Variants in SDCBP2 observed in about 807,000 individuals in gnomAD.
The protein encoded by SDCBP2 is syntenin-2.
In SDCBP2, 28 loss-of-function variants were observed where a neutral mutation model predicts 30.7. The observed-to-expected ratio is 0.91, with a 90% CI of 0.68 to 1.25. SDCBP2 has a LOEUF of 1.25. SDCBP2 is among the 50% of genes most tolerant of loss of function. SDCBP2 has a pLI of 0.00. For missense variants in SDCBP2, 399 were observed against 379.0 expected, an observed-to-expected ratio of 1.05 and a Z score of -0.44; for synonymous variants, 166 against 157.3, an observed-to-expected ratio of 1.06 and a Z score of -0.41.
At chr20:1,316,197 A>G (rs1412183005) in intron 4 of SDCBP2, among the ~76,000 whole-genome samples, 3 of 152,250 alleles carry the variant, frequency 2.0e-5, no homozygotes, top group African/African-American at 2.4e-5. Context: ...TAATAAGCAC[A>G]TGGAAAGATG....
At position 1,328,156 on chromosome 20, in the gene SDCBP2, G is replaced by C. The variant is rs2088957449; in HGVS notation, c.-20+929C>G. On this transcript the variant is annotated intron_variant, in intron 1 of 8. Coordinates refer to ENST00000360779, the MANE Select transcript of SDCBP2 (RefSeq NM_080489.5). ...GAGGACATCTGCCAGTGAGAAGCCA[G>C]TTGTGCAGAGAGGGAGTAAGGAGGA... 2.0e-5 allele frequency among the ~76,000 whole-genome samples: 3 copies of C among 152,336 alleles called. No homozygotes were observed. The South Asian group carries it at 6.2e-4, about 32-fold the overall frequency.
In SDCBP2 at chr20:1,310,503, C is replaced by T; in HGVS notation, c.825-8G>A. 1 of 1,613,430 alleles carries T rather than the reference C, an allele frequency of 6.2e-7. No individual in the cohort carries two copies. Among genetic ancestry groups the T allele is most frequent in the African/African-American group, 1.3e-5 (1 of 75,038 alleles). On this transcript the variant is annotated splice_polypyrimidine_tract_variant and splice_region_variant and intron_variant, in intron 8 of 8. Transcript: ENST00000360779. ...AGCAGGACTGGAGGCAACCTGGATA[C>T]AGCAACAACAGTGACCAGGTTGGCA...
chr20:1,316,979 A>G (rs969539633), intron 4 of SDCBP2, among the ~76,000 whole-genome samples: 4 of 152,330 alleles, frequency 2.6e-5, no homozygotes, highest in Middle Eastern at 3.4e-3. Flanking sequence ...GAGTGAAAAA[A>G]GCCAACCTCA....
In SDCBP2 at chr20:1,324,825, T is replaced by C. The variant is rs1392624664; in HGVS notation, c.-20+4260A>G. Among the ~76,000 whole-genome samples the C allele has an allele frequency of 1.3e-5, 2 of 152,236 alleles. No homozygotes were observed. The highest frequency in any genetic ancestry group is 4.8e-5 in the African/African-American group (2 of 41,474). On this transcript the variant is annotated intron_variant, in intron 1 of 8. Transcript: ENST00000360779. This position sits in a 1 kb window ranked among gnomAD's most constrained non-coding sequence, Gnocchi z 4.7. ...AGCCTTTGACTCAAGATGTCAGATA[T>C]AAACTGTTGGCAAAATTCAGCTGAA...
chr20:1,317,169 G>T (rs1379993223), intron 4 of SDCBP2, among the ~76,000 whole-genome samples: 3 of 152,088 alleles, frequency 2.0e-5, no homozygotes, highest in Non-Finnish European at 4.4e-5. Context: ...TGTATGGATT[G>T]CAGTACTGGT....
intron 7 of SDCBP2, among the ~76,000 whole-genome samples, chr20:1,311,900 C>CTTTTTTTTTTTTTT (rs11471529): frequency 1.7e-5 from 2 of 121,110 alleles, no homozygotes; most frequent in African/African-American, 3.4e-5. Context: ...GGTACACTGT[C>CTTTTTTTTTTTTTT]TTTTTTTTTT....
chr20:1,320,290 T>C lies in SDCBP2; in HGVS notation c.54+73A>G. ...TACGGGAATCTCCAAGTGGCCCCAG[T>C]ACCCAGCACCTTCCAGGGTAATCCC... On this transcript the variant is annotated intron_variant, in intron 2 of 8. Transcript: ENST00000360779. The surrounding 1 kb of genome is among the most constrained non-coding windows in gnomAD (Gnocchi z 4.7). 1 of 1,427,826 alleles carries C rather than the reference T, an allele frequency of 7.0e-7. No homozygotes were observed. The highest frequency in any genetic ancestry group is 1.2e-5 in the South Asian group (1 of 80,756). 88.4% of individuals were successfully genotyped at this position (1,427,826 alleles called of 1,614,324 possible).
rs1177591166 is a variant in SDCBP2, at chr20:1,312,391, G to A, written c.678C>T (p.Leu226=). The part of the protein sequence containing the change: ...VKGSSAARNG[L]LTNHYVCEVD... ...CCTCACACACGTAGTGGTTGGTGAGGAGCCCGTTGCGGGCCGCAGAACTCC... is the reference window on the plus strand; with the variant it reads ...CCTCACACACGTAGTGGTTGGTGAGAAGCCCGTTGCGGGCCGCAGAACTCC... Residue 226 remains leucine (L), a synonymous_variant, in exon 7 of 9, where the codon CTC becomes CTT. Transcript: ENST00000360779. 6.2e-7 allele frequency: 1 copy of A among 1,613,496 alleles called. No individual in the cohort carries two copies. The highest frequency in any genetic ancestry group is 1.1e-5 in the South Asian group (1 of 90,954).
At chr20:1,327,840 C>G (rs1254565817) in intron 1 of SDCBP2, among the ~76,000 whole-genome samples, 1 of 152,234 alleles carries the variant, frequency 6.6e-6, no homozygotes, top group African/African-American at 2.4e-5. Flanking sequence ...TCAGCGCTTA[C>G]TTACTCAGCA....
At chr20:1,315,832 C>T (rs376232198) in intron 4 of SDCBP2, among the ~76,000 whole-genome samples, 1 of 152,186 alleles carries the variant, frequency 6.6e-6, no homozygotes, top group South Asian at 2.1e-4. Context: ...ATAAACCACA[C>T]ATCTGACAAA....
intron 3 of SDCBP2, among the ~76,000 whole-genome samples, chr20:1,319,220 A>G (rs2088820342): frequency 6.6e-6 from 1 of 152,104 alleles, no homozygotes; most frequent in Non-Finnish European, 1.5e-5. Flanking sequence ...ATTTGAGGTG[A>G]CTCAAATCGT....
chr20:1,325,952 A>G (rs1027448392), intron 1 of SDCBP2: 1 of 152,092 alleles, frequency 6.6e-6, no homozygotes, highest in African/African-American at 2.4e-5. Flanking sequence ...TCTGCTGCCT[A>G]GGGAAGGGTT....
rs373936132 is a variant in SDCBP2 at position 1,311,463 on chromosome 20, C to T, written c.733-572G>A. 2.2e-3 allele frequency among the ~76,000 whole-genome samples: 328 copies of T among 152,354 alleles called. 3 individuals carry two copies. The highest frequency in any genetic ancestry group is 7.6e-3 in the African/African-American group (317 of 41,584). ...AAGAACAAGAAATTAAAAGTCTCTA[C>T]GCAAAGCGTGCCAGGTGGTCCAAAC... On this transcript the variant is annotated intron_variant, in intron 7 of 8. Coordinates refer to ENST00000360779, the MANE Select transcript of SDCBP2 (RefSeq NM_080489.5).
intron 1 of SDCBP2, among the ~76,000 whole-genome samples, chr20:1,326,080 T>C (rs1352850848): frequency 6.6e-6 from 1 of 152,194 alleles, no homozygotes; most frequent in Non-Finnish European, 1.5e-5. Flanking sequence ...CAGGAAGGTC[T>C]CCTGGAGGAA....
At chr20:1,326,935 G>T (rs1388657789) in intron 1 of SDCBP2, among the ~76,000 whole-genome samples, 1 of 152,230 alleles carries the variant, frequency 6.6e-6, no homozygotes, top group African/African-American at 2.4e-5. Flanking sequence ...TCCCATGCCT[G>T]TCTGTGTTTG....
In SDCBP2 at chr20:1,321,756, A is replaced by G. The variant is rs1159287086; in HGVS notation, c.-19-1321T>C. On this transcript the variant is annotated intron_variant, in intron 1 of 8. Coordinates refer to ENST00000360779, the MANE Select transcript of SDCBP2 (RefSeq NM_080489.5). This position sits in a 1 kb window ranked among gnomAD's most constrained non-coding sequence, Gnocchi z 5.2. ...TTGGAACTGGTGGGCCCAGGGCCAG[A>G]TGGAAATAGATTTTATTTGACCTTG... The G allele has an allele frequency of 6.6e-6, 1 of 152,278 alleles. No homozygotes were observed. Among genetic ancestry groups the G allele is most frequent in the Non-Finnish European group, 1.5e-5 (1 of 68,068 alleles). The allele number at this position is 152,278 out of a possible 1,614,324, so 9.4% of individuals were successfully genotyped here.
intron 2 of SDCBP2, 108 bp from the exon 3 acceptor site, chr20:1,319,767 CG>C: frequency 1.1e-6 from 1 of 911,898 alleles, no homozygotes; most frequent in Non-Finnish European, 1.6e-6. Flanking sequence ...TGAGTGGGCC[CG>C]GGGTGTGGGG....
chr20:1,318,532 G>GT (rs1482478844), intron 3 of SDCBP2, 114 bp from the exon 4 acceptor site: 1 of 643,824 alleles, frequency 1.6e-6, no homozygotes, highest in Admixed American at 2.9e-5. Flanking sequence ...CCTGGGAATG[G>GT]TATTTATTTC....
intron 4 of SDCBP2, among the ~76,000 whole-genome samples, chr20:1,315,238 A>C (rs567808984): frequency 1.3e-5 from 2 of 152,304 alleles, no homozygotes; most frequent in East Asian, 3.9e-4. Context: ...TGCTTTCAAC[A>C]AATGGTGTTG....
Sources: allele counts gnomAD v4.1 joint callset (sites outside exome capture counted in the v4.1 genomes callset), GRCh38; gene constraint gnomAD v4.1.1; non-coding constraint Gnocchi (gnomAD v3.1); transcripts MANE v1.5; gene names NCBI Gene and HGNC (gene_info 2026-07-23, HGNC 2026-07-21).